ANKRD33B: variants seen among roughly 807,000 people sequenced by gnomAD.
ANKRD33B encodes ankyrin repeat domain 33B.
A neutral mutation model predicts 21.5 loss-of-function variants in ANKRD33B; 6 were observed. The observed-to-expected ratio is 0.28, with a 90% confidence interval of 0.15 to 0.55. The LOEUF (loss-of-function observed/expected upper bound fraction) is 0.55. Among genes scored for constraint, ANKRD33B ranks in the 20% least tolerant of loss-of-function variants. ANKRD33B has a pLI of 0.94. For missense variants in ANKRD33B, 698 were observed against 747.2 expected (o/e 0.93, Z 0.77); for synonymous variants, 347 against 342.4 (o/e 1.01, Z -0.15).
At chr5:10,604,505 T>A (rs1322030268) in intron 1 of ANKRD33B, among the ~76,000 whole-genome samples, 1 of 148,842 alleles carries the variant, frequency 6.7e-6, no homozygotes, top group Non-Finnish European at 1.5e-5. Flanking sequence ...AAGGAGAACC[T>A]TTTTGAAAAA....
At chr5:10,609,322 G>C (rs999340143) in intron 1 of ANKRD33B, among the ~76,000 whole-genome samples, 2 of 152,202 alleles carry the variant, frequency 1.3e-5, no homozygotes, top group Non-Finnish European at 2.9e-5. Context: ...GGAGGCAGAG[G>C]TGCGCAGATC....
intron 2 of ANKRD33B, among the ~76,000 whole-genome samples, chr5:10,622,793 GCTTTA>G (rs1560977618): frequency 6.1e-5 from 6 of 98,252 alleles, no homozygotes; most frequent in African/African-American, 2.7e-4. Flanking sequence ...TTTTGTTTTT[GCTTTA>G]TTTTATTTTA....
At chr5:10,629,397 G>A (rs1363020521) in intron 2 of ANKRD33B, among the ~76,000 whole-genome samples, 6 of 152,190 alleles carry the variant, frequency 3.9e-5, no homozygotes, top group African/African-American at 9.6e-5. Context: ...TGTGGTGATT[G>A]CTTGGGTGAG....
chr5:10,573,458 A>T (rs1579709581), intron 1 of ANKRD33B, among the ~76,000 whole-genome samples: 1 of 131,234 alleles, frequency 7.6e-6, no homozygotes, highest in South Asian at 2.6e-4. Context: ...ACAGAGCGAG[A>T]CTCCGTCTCA....
chr5:10,593,021 A>G (rs1735730078), intron 1 of ANKRD33B, among the ~76,000 whole-genome samples: 1 of 152,042 alleles, frequency 6.6e-6, no homozygotes, highest in South Asian at 2.1e-4. Context: ...TTAGGTAAGG[A>G]CCTTCCTAAC....
At chr5:10,618,301 C>A (rs532620037) in intron 1 of ANKRD33B, 32 bp from the exon 2 acceptor site, 2 of 1,536,028 alleles carry the variant, frequency 1.3e-6, no homozygotes, top group African/African-American at 1.4e-5. Flanking sequence ...CCGACTCTGC[C>A]CCTCTGACCC....
At chr5:10,570,889 A>C (rs35946808) in intron 1 of ANKRD33B, among the ~76,000 whole-genome samples, 1 of 145,790 alleles carries the variant, frequency 6.9e-6, no homozygotes, top group Admixed American at 6.9e-5. Context: ...CTTTAACAAC[A>C]TGACTCAAAT....
rs1259163913 is a variant in ANKRD33B, at chr5:10,639,597, C to G, written c.637+1429C>G. ...ACGTGGAGTTGCGCGGCGATGTTAGCGGGTGACGCGGAGTTGCGCGGCGAT... is the reference window on the plus strand; with the variant it reads ...ACGTGGAGTTGCGCGGCGATGTTAGGGGGTGACGCGGAGTTGCGCGGCGAT... On this transcript the variant is annotated intron_variant, in intron 3 of 3. Coordinates refer to ENST00000296657, the MANE Select transcript of ANKRD33B (RefSeq NM_001164440.2). 1.1e-3 allele frequency among the ~76,000 whole-genome samples: 57 copies of G among 50,374 alleles called. No homozygotes were observed. The East Asian group carries it at 0.022, about 20-fold the overall frequency. The allele number at this position is 50,374 out of a possible 152,430, so 33.0% of individuals were successfully genotyped here.
At chr5:10,637,158 AAGAGGATG>A (rs1736886380) in intron 2 of ANKRD33B, among the ~76,000 whole-genome samples, 1 of 152,198 alleles carries the variant, frequency 6.6e-6, no homozygotes, top group Non-Finnish European at 1.5e-5. Context: ...CAGTTGACCC[AAGAGGATG>A]CTCTCCCACT....
intron 2 of ANKRD33B, among the ~76,000 whole-genome samples, chr5:10,633,638 C>G (rs1209879962): frequency 6.6e-6 from 1 of 152,218 alleles, no homozygotes; most frequent in Admixed American, 6.5e-5. Context: ...TTTTCTGTTG[C>G]AGGATCGCAT....
At chr5:10,621,565 AG>A (rs1201971955) in intron 2 of ANKRD33B, among the ~76,000 whole-genome samples, 1 of 152,208 alleles carries the variant, frequency 6.6e-6, no homozygotes, top group African/African-American at 2.4e-5. Context: ...AATTTTCAAA[AG>A]CTTAAAAATT....
rs181022179 is a variant in ANKRD33B at position 10,641,267 on chromosome 5, C to T, written c.637+3099C>T. Among the ~76,000 whole-genome samples the T allele has an allele frequency of 3.7e-3, 488 of 130,788 alleles. 3 individuals carry two copies. Among genetic ancestry groups the T allele is most frequent in the African/African-American group, 0.013 (461 of 35,090 alleles). The allele number at this position is 130,788 out of a possible 152,430, so 85.8% of individuals were successfully genotyped here. A position where few individuals can be genotyped will look rare whatever the true frequency, so the allele number is the denominator to read the frequency against. On this transcript the variant is annotated intron_variant, in intron 3 of 3. Transcript: ENST00000296657. ...TTTTTTTGAGACAGTCTCACTCTGT[C>T]GCCCAGGCTGGAGTGCGGTGGTGCA...
At chr5:10,577,729 G>T (rs918924966) in intron 1 of ANKRD33B, among the ~76,000 whole-genome samples, 1 of 152,230 alleles carries the variant, frequency 6.6e-6, no homozygotes, top group African/African-American at 2.4e-5. Flanking sequence ...ACATAGCTCC[G>T]CAGTCAGTTT....
chr5:10,597,317 T>C (rs1248888872), intron 1 of ANKRD33B, among the ~76,000 whole-genome samples: 1 of 152,110 alleles, frequency 6.6e-6, no homozygotes, highest in Non-Finnish European at 1.5e-5. Flanking sequence ...CAAAGACACA[T>C]GTAGGCTGAA....
chr5:10,620,320 G>A (rs1462752420), intron 2 of ANKRD33B, among the ~76,000 whole-genome samples: 3 of 152,068 alleles, frequency 2.0e-5, no homozygotes, highest in Non-Finnish European at 4.4e-5. Context: ...GGGCATATAA[G>A]TAAAAGAAGA....
intron 1 of ANKRD33B, among the ~76,000 whole-genome samples, chr5:10,592,218 T>C (rs184173358): frequency 6.6e-6 from 1 of 152,228 alleles, no homozygotes; most frequent in East Asian, 1.9e-4. Context: ...GCCATCTGCT[T>C]TATTTTCTTC....
intron 2 of ANKRD33B, among the ~76,000 whole-genome samples, chr5:10,633,216 C>T (rs1036225682): frequency 6.6e-6 from 1 of 151,904 alleles, no homozygotes; most frequent in Non-Finnish European, 1.5e-5. Flanking sequence ...ATTCTCCTGC[C>T]TCAGCCTCCG....
chr5:10,612,082 A>G (rs1238143135), intron 1 of ANKRD33B, among the ~76,000 whole-genome samples: 1 of 152,154 alleles, frequency 6.6e-6, no homozygotes, highest in South Asian at 2.1e-4. Context: ...CCATTTTTCT[A>G]TGATATGTTG....
intron 1 of ANKRD33B, among the ~76,000 whole-genome samples, chr5:10,606,125 G>A (rs552148829): frequency 6.6e-6 from 1 of 152,288 alleles, no homozygotes; most frequent in Admixed American, 6.5e-5. Context: ...ACATGAAGTT[G>A]GCAGAGGGAA....
Sources: gnomAD v4.1 joint callset for allele counts (sites outside exome capture counted in the v4.1 genomes callset) on GRCh38, gnomAD v4.1.1 for gene constraint, MANE v1.5 for transcripts, NCBI Gene and HGNC (gene_info 2026-07-23, HGNC 2026-07-21) for gene names.